The following ARHGAP31 variants were observed in gnomAD, a reference collection of about 807,000 sequenced individuals.
The protein encoded by ARHGAP31 is rho GTPase-activating protein 31.
A neutral mutation model predicts 113.9 loss-of-function variants in ARHGAP31; 34 were observed. The observed-to-expected ratio is 0.30, with a 90% confidence interval of 0.23 to 0.40. The LOEUF is 0.40. ARHGAP31 is among the 10% of genes least tolerant of loss of function. The probability of loss-of-function intolerance (pLI) is 1.00; values close to 1 mark genes in which losing one functional copy is unlikely to be tolerated. For missense variants in ARHGAP31, 1,548 were observed against 1,767.1 expected (o/e 0.88, Z 2.22); for synonymous variants, 650 against 684.8 (o/e 0.95, Z 0.79).
intron 1 of ARHGAP31, among the ~76,000 whole-genome samples, chr3:119,353,763 G>T (rs371158957): frequency 4.1e-4 from 59 of 142,868 alleles, no homozygotes; most frequent in Middle Eastern, 3.7e-3. Context: ...ACTCCAGCCT[G>T]GGTGACAGAG....
intron 1 of ARHGAP31, among the ~76,000 whole-genome samples, chr3:119,336,089 C>A (rs149933581): frequency 0.012 from 1,853 of 152,220 alleles, 28 homozygotes; most frequent in African/African-American, 0.043. Flanking sequence ...GCAGGAGAAT[C>A]GCTTGAACCT....
intron 4 of ARHGAP31, among the ~76,000 whole-genome samples, chr3:119,381,787 C>G (rs1382452652): frequency 6.6e-6 from 1 of 152,084 alleles, no homozygotes; most frequent in Admixed American, 6.5e-5. Context: ...GAGATCGAGA[C>G]CATCATGGCT....
At position 119,326,771 on chromosome 3, in the gene ARHGAP31, T is replaced by C. The variant is rs76954637; in HGVS notation, c.100+31767T>C. On this transcript the variant is annotated intron_variant, in intron 1 of 11. Coordinates refer to ENST00000264245, the MANE Select transcript of ARHGAP31 (RefSeq NM_020754.4). ...TTCAGAACATGACTGGAATCTTGCGTTTGTATCTGCTATTCCCTTTATGTT... is the reference window on the plus strand; with the variant it reads ...TTCAGAACATGACTGGAATCTTGCGCTTGTATCTGCTATTCCCTTTATGTT... 9.8e-3 allele frequency among the ~76,000 whole-genome samples: 1,496 copies of C among 152,308 alleles called. 23 individuals carry two copies. The highest frequency in any genetic ancestry group is 0.035 in the African/African-American group (1,437 of 41,552).
chr3:119,299,550 G>A (rs1185942465), intron 1 of ARHGAP31, among the ~76,000 whole-genome samples: 1 of 152,272 alleles, frequency 6.6e-6, no homozygotes, highest in African/African-American at 2.4e-5. Context: ...ACAAGGATAA[G>A]GCAACGGGAA....
intron 3 of ARHGAP31, among the ~76,000 whole-genome samples, chr3:119,375,680 C>T (rs2080340504): frequency 6.6e-6 from 1 of 152,150 alleles, no homozygotes; most frequent in African/African-American, 2.4e-5. Context: ...ATCGGTCCAG[C>T]TAAAACTATT....
rs757559957 is a variant in ARHGAP31 at position 119,409,506 on chromosome 3, TAAG to T, written c.1660_1662del (p.Lys554del). 3.7e-6 allele frequency: 6 copies of T among 1,614,074 alleles called. No homozygotes were observed. The African/African-American group carries it at 8.0e-5, about 22-fold the overall frequency. ...TCATTTTCACTGCAGCTTCTGTACC[TAAG>T]AAGGCAGGTCTTGAGGATGCCAAGG... On this transcript the variant is annotated inframe_deletion, in exon 11 of 12. Transcript: ENST00000264245.
intron 3 of ARHGAP31, among the ~76,000 whole-genome samples, chr3:119,378,390 C>T (rs1224031102): frequency 6.6e-6 from 1 of 152,100 alleles, no homozygotes; most frequent in Non-Finnish European, 1.5e-5. Context: ...AAATAAACAC[C>T]AGTCCCAAAT....
chr3:119,299,849 A>G (rs1264927853), intron 1 of ARHGAP31, among the ~76,000 whole-genome samples: 1 of 152,272 alleles, frequency 6.6e-6, no homozygotes, highest in Non-Finnish European at 1.5e-5. Flanking sequence ...CTTAGCAAAG[A>G]AGGTAAATAT....
In ARHGAP31 at chr3:119,331,550, C is replaced by T. The variant is rs72962545; in HGVS notation, c.101-33766C>T. Among the ~76,000 whole-genome samples, 621 of 152,222 alleles carry T rather than the reference C, an allele frequency of 4.1e-3. 3 individuals are homozygous for T. The highest frequency in any genetic ancestry group is 0.014 in the African/African-American group (600 of 41,540). ...GGTGTATATATAGTACCTGCAAACGCTCATGAATATTCATGAGTCCTTGAC... is the reference window on the plus strand; with the variant it reads ...GGTGTATATATAGTACCTGCAAACGTTCATGAATATTCATGAGTCCTTGAC... On this transcript the variant is annotated intron_variant, in intron 1 of 11. Transcript: ENST00000264245.
intron 9 of ARHGAP31, among the ~76,000 whole-genome samples, chr3:119,400,564 G>A (rs1329159280): frequency 6.6e-6 from 1 of 152,114 alleles, no homozygotes; most frequent in African/African-American, 2.4e-5. Flanking sequence ...ATTTGCTTTG[G>A]TTTGGAAACT....
At chr3:119,333,748 C>T (rs1421065504) in intron 1 of ARHGAP31, among the ~76,000 whole-genome samples, 1 of 152,212 alleles carries the variant, frequency 6.6e-6, no homozygotes, top group Admixed American at 6.5e-5. Flanking sequence ...AGTTCCGACT[C>T]TCACCGTTTT....
intron 1 of ARHGAP31, among the ~76,000 whole-genome samples, chr3:119,338,947 A>G (rs1202273603): frequency 2.0e-5 from 3 of 152,242 alleles, no homozygotes; most frequent in Admixed American, 6.5e-5. Context: ...ATGGAAACAG[A>G]TTGGCAGAGT....
At chr3:119,317,617 C>G (rs1025916970) in intron 1 of ARHGAP31, among the ~76,000 whole-genome samples, 2 of 151,948 alleles carry the variant, frequency 1.3e-5, no homozygotes, top group African/African-American at 4.8e-5. Context: ...TATGTGAACA[C>G]TAACAACACA....
At chr3:119,338,246 T>C in intron 1 of ARHGAP31, among the ~76,000 whole-genome samples, 1 of 152,198 alleles carries the variant, frequency 6.6e-6, no homozygotes, top group East Asian at 1.9e-4. Context: ...ACAAGGGTGT[T>C]ACATGGATGT....
chr3:119,376,721 C>G (rs531470396), intron 3 of ARHGAP31, among the ~76,000 whole-genome samples: 1 of 151,202 alleles, frequency 6.6e-6, no homozygotes, highest in African/African-American at 2.4e-5. Flanking sequence ...GATTGTGCCA[C>G]TACACTCCAG....
chr3:119,302,059 TC>T (rs2079589190), intron 1 of ARHGAP31, among the ~76,000 whole-genome samples: 1 of 152,240 alleles, frequency 6.6e-6, no homozygotes, highest in South Asian at 2.1e-4. Flanking sequence ...TTCATACTTA[TC>T]CCCAAGCTTC....
intron 1 of ARHGAP31, among the ~76,000 whole-genome samples, chr3:119,365,113 A>G (rs1395012515): frequency 2.0e-5 from 3 of 152,098 alleles, no homozygotes; most frequent in Non-Finnish European, 4.4e-5. Flanking sequence ...CAAAAAAACA[A>G]TTCTTTAGCA....
Position 119,405,590 on chromosome 3 carries a change from G to A in ARHGAP31, c.1645+3193G>A, listed in dbSNP as rs550363514. On this transcript the variant is annotated intron_variant, in intron 10 of 11. Transcript: ENST00000264245. ...AGCCACACTACCCTCAGGAGGCTGA[G>A]GAATGTCACTAGATGGAAAACCATG... Among the ~76,000 whole-genome samples the A allele has an allele frequency of 3.9e-5, 6 of 152,298 alleles. No homozygotes were observed. The East Asian group carries it at 9.7e-4, about 25-fold the overall frequency.
chr3:119,370,020 C>G (rs975916134), intron 3 of ARHGAP31, among the ~76,000 whole-genome samples: 3 of 151,798 alleles, frequency 2.0e-5, no homozygotes, highest in Admixed American at 6.6e-5. Flanking sequence ...AAATGTTGAC[C>G]TCTAGAGAAG....
Sources: allele counts gnomAD v4.1 joint callset (sites outside exome capture counted in the v4.1 genomes callset), GRCh38; gene constraint gnomAD v4.1.1; transcripts MANE v1.5; gene names NCBI Gene and HGNC (gene_info 2026-07-23, HGNC 2026-07-21).